Variants in PKP3 observed in about 807,000 individuals in gnomAD.
The protein encoded by PKP3 is plakophilin 3, also known as plakophilin-3.
In PKP3, 66 loss-of-function variants were observed where a neutral mutation model predicts 76.5. The observed-to-expected ratio is 0.86, with a 90% CI of 0.71 to 1.06. The LOEUF (loss-of-function observed/expected upper bound fraction) is 1.06. Among genes scored for constraint, PKP3 ranks in the 50% least tolerant of loss-of-function variants. PKP3 has a pLI of 0.00. For synonymous variants in PKP3, 638 were observed against 516.5 expected, an observed-to-expected ratio of 1.24 and a Z score of -3.19; for missense variants, 1,338 against 1,141.0, an observed-to-expected ratio of 1.17 and a Z score of -2.49.
rs1413831457 is a variant in PKP3, at chr11:403,647, G to A, written c.1953G>A (p.Leu651=). 1.9e-6 allele frequency: 3 copies of A among 1,608,614 alleles called. No homozygotes were observed. The highest frequency in any genetic ancestry group is 1.7e-5 in the Admixed American group (1 of 60,012). The change falls in exon 10 of 13, where the codon CTG becomes CTA. Residue 651 remains leucine, a synonymous_variant. Coordinates refer to ENST00000331563, the MANE Select transcript of PKP3 (RefSeq NM_007183.4). ...RWAGVLSRLA[L]EQERILNPLL... is the part of the protein sequence containing the mutation. ...CGGGGGTGCTGAGCCGCCTGGCCCT[G>A]GAGCAGGAGCGTATTCTGAACCCCC...
At chr11:395,942 A>C (rs990491114) in intron 1 of PKP3, among the ~76,000 whole-genome samples, 1 of 152,026 alleles carries the variant, frequency 6.6e-6, no homozygotes, top group Non-Finnish European at 1.5e-5. Flanking sequence ...TCCTTCCAGC[A>C]GTCACAGCAG....
intron 1 of PKP3, among the ~76,000 whole-genome samples, chr11:395,597 G>T (rs755708894): frequency 6.6e-6 from 1 of 152,192 alleles, no homozygotes; most frequent in African/African-American, 2.4e-5. Flanking sequence ...GCTGGGGCGT[G>T]CCCCCACTCC....
Position 397,390 on chromosome 11 carries a change from G to A in PKP3, c.889G>A (p.Val297Met), listed in dbSNP as rs77752215. Reference sequence around the variant, plus strand: ...GGCTGACTCGGGCCACCTGCCGGACGTGCATGGGTTCAACAGCTACGGTAG... The same window carrying A: ...GGCTGACTCGGGCCACCTGCCGGACATGCATGGGTTCAACAGCTACGGTAG... ...SLADSGHLPD[V>M]HGFNSYGSHR... The change falls in exon 3 of 13, where the codon GTG becomes ATG. Residue 297 changes from valine to methionine, a missense_variant. By Grantham distance (21) the Val-to-Met change is conservative. Transcript: ENST00000331563. The A allele has an allele frequency of 6.8e-6, 11 of 1,611,004 alleles. No individual in the cohort carries two copies. Among genetic ancestry groups the A allele is most frequent in the African/African-American group, 5.3e-5 (4 of 74,846 alleles).
At chr11:395,699 T>TC (rs1201844837) in intron 1 of PKP3, among the ~76,000 whole-genome samples, 1 of 152,004 alleles carries the variant, frequency 6.6e-6, no homozygotes, top group Non-Finnish European at 1.5e-5. Context: ...CATGGGGGTG[T>TC]CCCCCACAGA....
At chr11:392,776 C>T (rs1044661692), upstream of PKP3, 2 of 784,472 alleles carry the variant, frequency 2.5e-6, no homozygotes, top group African/African-American at 1.8e-5. Context: ...CCTCACCCAT[C>T]CTTTCAGTGG....
At chr11:393,848 A>G (rs1847007152), upstream of PKP3, among the ~76,000 whole-genome samples, 1 of 151,850 alleles carries the variant, frequency 6.6e-6, no homozygotes, top group Non-Finnish European at 1.5e-5. Flanking sequence ...CCTCCCCTTC[A>G]TGCTGGGGGT....
rs1463763457 is a variant in PKP3, at chr11:400,053, A to C, written c.1360A>C (p.Ser454Arg). ...TLEQLTDLVL[S>R]PLSGAGGPPL... ...GGAGCAGCTCACAGACCTGGTGTTG[A>C]GCCCCCTGTCGGGGGCTGGGGGTCC... The change falls in exon 6 of 13, where the codon AGC (serine) becomes CGC (arginine). Residue 454 changes from serine to arginine, a missense_variant. Transcript: ENST00000331563. 6 of 1,606,650 alleles carry C rather than the reference A, an allele frequency of 3.7e-6. No individual in the cohort carries two copies. Among genetic ancestry groups the C allele is most frequent in the Non-Finnish European group, 5.1e-6 (6 of 1,178,180 alleles).
chr11:400,836 ACCCCCGCCCCGCT>A (rs1847146541), intron 8 of PKP3, 131 bp downstream of exon 8: 3 of 169,438 alleles, frequency 1.8e-5, no homozygotes, highest in South Asian at 3.8e-4. Flanking sequence ...GACCCCGCTC[ACCCCCGCCCCGCT>A]CACCCCCGAC....
In PKP3 at chr11:397,588, G is replaced by A; in HGVS notation, c.994G>A (p.Asp332Asn). 1 of 1,612,152 alleles carries A rather than the reference G, an allele frequency of 6.2e-7. No homozygotes were observed. Among genetic ancestry groups the A allele is most frequent in the Non-Finnish European group, 8.5e-7 (1 of 1,179,558 alleles). The change falls in exon 4 of 13, where the codon GAC becomes AAC. Residue 332 changes from aspartate (D) to asparagine (N), a missense_variant. Asp to Asn is a conservative substitution (Grantham distance 23). Transcript: ENST00000331563. ...AGCAGTCAAGTACCTCATGGCTTCA[G>A]ACCCCAACCTGCAGGTGCTGGGAGC... ...PSAVKYLMAS[D>N]PNLQVLGAAY...
chr11:397,377 C>A lies in PKP3; in HGVS notation c.876C>A (p.Gly292=). The change falls in exon 3 of 13, where the codon GGC becomes GGA. Residue 292 remains glycine, a synonymous_variant. Coordinates refer to ENST00000331563, the MANE Select transcript of PKP3 (RefSeq NM_007183.4). ...TCAGCCTCAGCCTGGCTGACTCGGGCCACCTGCCGGACGTGCATGGGTTCA... is the reference window on the plus strand; with the variant it reads ...TCAGCCTCAGCCTGGCTGACTCGGGACACCTGCCGGACGTGCATGGGTTCA... The part of the protein sequence containing the change: ...RSLSLSLADS[G]HLPDVHGFNS... The A allele has an allele frequency of 6.2e-7, 1 of 1,607,928 alleles. No individual in the cohort carries two copies. Among genetic ancestry groups the A allele is most frequent in the Non-Finnish European group, 8.5e-7 (1 of 1,178,012 alleles).
At chr11:395,499 G>A (rs73400565) in intron 1 of PKP3, among the ~76,000 whole-genome samples, 9,750 of 152,254 alleles carry the variant, frequency 0.064, 1,027 homozygotes, top group African/African-American at 0.22. Context: ...GGTGGAGGAC[G>A]GTGAGGGAAG....
chr11:396,292 G>C (rs1847043658), intron 1 of PKP3: 1 of 349,618 alleles, frequency 2.9e-6, no homozygotes, highest in South Asian at 6.1e-5. Context: ...GCAAGGATTG[G>C]AGAACTGATG....
chr11:394,442 C>T lies in PKP3; in HGVS notation c.150C>T (p.Val50=). Residue 50 remains valine, a synonymous_variant, in exon 1 of 13, where the codon GTC becomes GTT. Transcript: ENST00000331563. ...GGGCAGCCCGCGTCCAGGAGCAGGTCCGCGCCCGCCTCTTGCAGCTGGGAC... is the reference window on the plus strand; with the variant it reads ...GGGCAGCCCGCGTCCAGGAGCAGGTTCGCGCCCGCCTCTTGCAGCTGGGAC... ...RLRAARVQEQ[V]RARLLQLGQQ... The T allele has an allele frequency of 6.9e-7, 1 of 1,454,378 alleles. No individual in the cohort carries two copies. Among genetic ancestry groups the T allele is most frequent in the Non-Finnish European group, 9.0e-7 (1 of 1,110,982 alleles). 90.1% of individuals were successfully genotyped at this position (1,454,378 alleles called of 1,614,324 possible). A position where few individuals can be genotyped will look rare whatever the true frequency, so the allele number is the denominator to read the frequency against.
intron 9 of PKP3, among the ~76,000 whole-genome samples, 172 bp downstream of exon 9, chr11:403,435 C>T (rs1847192061): frequency 6.6e-6 from 1 of 152,096 alleles, no homozygotes; most frequent in Non-Finnish European, 1.5e-5. Context: ...GAAGTCCTGC[C>T]CTGGGTTTGA....
At chr11:398,199 A>G (rs1312550918) in intron 4 of PKP3, among the ~76,000 whole-genome samples, 9 of 35,612 alleles carry the variant, frequency 2.5e-4, no homozygotes, top group South Asian at 1.4e-3. Flanking sequence ...CATATACCTC[A>G]TCACCTCCGT....
At position 404,768 on chromosome 11, in the gene PKP3, G is replaced by GCCAC; in HGVS notation, c.*200_*201insCACC. The stretch of plus-strand genomic sequence containing the variant: ...TAGCTGGGGACTTGGCTTCCGCAGG[G>GCCAC]CAGGGGGTGGGGCAGGGCTCAAGGC... On this transcript the variant is annotated 3_prime_UTR_variant, in exon 13 of 13. Coordinates refer to ENST00000331563, the MANE Select transcript of PKP3 (RefSeq NM_007183.4). This position sits in a 1 kb window ranked among gnomAD's most constrained non-coding sequence, Gnocchi z 4.2. The GCCAC allele has an allele frequency of 1.0e-5, 6 of 597,364 alleles. No homozygotes were observed. In the South Asian group the frequency reaches 1.2e-4, roughly 12 times the overall value. The allele number at this position is 597,364 out of a possible 1,614,324, so 37.0% of individuals were successfully genotyped here. A position where few individuals can be genotyped will look rare whatever the true frequency, so the allele number is the denominator to read the frequency against.
At position 404,212 on chromosome 11, in the gene PKP3, C is replaced by T. The variant is rs772732815; in HGVS notation, c.2271-24C>T. On this transcript the variant is annotated intron_variant, in intron 11 of 12. Coordinates refer to ENST00000331563, the MANE Select transcript of PKP3 (RefSeq NM_007183.4). The surrounding 1 kb of genome is among the most constrained non-coding windows in gnomAD (Gnocchi z 4.2). ...ACCCTGCTTTCTGGCTGTGTGTCCC[C>T]TCCTGACTGCCCTCCACCCTCAGCC... 1.2e-6 allele frequency: 2 copies of T among 1,611,078 alleles called. No homozygotes were observed. The highest frequency in any genetic ancestry group is 2.2e-5 in the South Asian group (2 of 90,994).
rs753218470 is a variant in PKP3, at chr11:397,443, C to T, written c.942C>T (p.Ser314=). ...GSHRTLQRLS[S]GFDDIDLPSA... The stretch of plus-strand genomic sequence containing the variant: ...ACCGAACCCTGCAGAGACTCAGCAG[C>T]GGGTGAGCGGCTGGGCCCGGCTCAG... Residue 314 remains serine (S), a splice_region_variant and synonymous_variant, in exon 3 of 13, where the codon AGC becomes AGT. Transcript: ENST00000331563. 1.4e-5 allele frequency: 22 copies of T among 1,611,996 alleles called. No homozygotes were observed. In the African/African-American group the frequency reaches 1.7e-4, roughly 13 times the overall value.
intron 1 of PKP3, among the ~76,000 whole-genome samples, chr11:395,481 G>A (rs2133594261): frequency 6.6e-6 from 1 of 152,316 alleles, no homozygotes; most frequent in East Asian, 1.9e-4. Context: ...GGTGCCCAGG[G>A]GTCATGGGGT....
Sources: allele counts gnomAD v4.1 joint callset (sites outside exome capture counted in the v4.1 genomes callset), GRCh38; gene constraint gnomAD v4.1.1; non-coding constraint Gnocchi (gnomAD v3.1); transcripts MANE v1.5; gene names NCBI Gene and HGNC (gene_info 2026-07-23, HGNC 2026-07-21).